Variants in COL22A1 observed in about 807,000 individuals in gnomAD.
COL22A1 encodes collagen alpha-1(XXII) chain.
A neutral mutation model predicts 248.9 loss-of-function variants in COL22A1; 221 were observed. That is an observed-to-expected ratio of 0.89 (90% CI 0.80 to 0.99). The LOEUF is 0.99. Among genes scored for constraint, COL22A1 ranks in the 50% least tolerant of loss-of-function variants. The pLI is 0.00. For synonymous variants in COL22A1, 891 were observed against 793.4 expected (o/e 1.12, Z -2.07); for missense variants, 2,240 against 2,179.0 (o/e 1.03, Z -0.56).
At chr8:138,858,473 T>C (rs1822210825) in intron 3 of COL22A1, among the ~76,000 whole-genome samples, 1 of 152,138 alleles carries the variant, frequency 6.6e-6, no homozygotes, top group Admixed American at 6.5e-5. Flanking sequence ...CTCCAACTCC[T>C]GGGCTCAAGT....
At chr8:138,753,593 C>T (rs532251907) in intron 21 of COL22A1, among the ~76,000 whole-genome samples, 1 of 152,212 alleles carries the variant, frequency 6.6e-6, no homozygotes, top group Non-Finnish European at 1.5e-5. Context: ...TCCAATTCAT[C>T]ATCTAGAAAT....
At chr8:138,794,114 C>T (rs1329000947) in intron 12 of COL22A1, among the ~76,000 whole-genome samples, 4 of 152,260 alleles carry the variant, frequency 2.6e-5, no homozygotes, top group East Asian at 3.9e-4. Context: ...AGGCTGGGCA[C>T]GGTGGCTCAC....
chr8:138,897,534 C>T (rs889940130), intron 1 of COL22A1, among the ~76,000 whole-genome samples: 8 of 144,518 alleles, frequency 5.5e-5, no homozygotes, highest in Admixed American at 2.9e-4. Context: ...AGTGACAGAG[C>T]GAGACTCTGT....
At position 138,723,709 on chromosome 8, in the gene COL22A1, C is replaced by T. The variant is rs115817125; in HGVS notation, c.2247+906G>A. Among the ~76,000 whole-genome samples, 805 of 152,324 alleles carry T rather than the reference C, an allele frequency of 5.3e-3. 8 individuals are homozygous for T. The highest frequency in any genetic ancestry group is 0.018 in the African/African-American group (730 of 41,580). On this transcript the variant is annotated intron_variant, in intron 25 of 64. Coordinates refer to ENST00000303045, the MANE Select transcript of COL22A1 (RefSeq NM_152888.3). ...CCATTCAGCCAGTGTTCCTCCCACA[C>T]GCAATCAGATCACCTGAGTGCCCAG...
chr8:138,902,572 G>C (rs1379054235), intron 1 of COL22A1, among the ~76,000 whole-genome samples: 2 of 151,650 alleles, frequency 1.3e-5, no homozygotes, highest in Non-Finnish European at 2.9e-5. Context: ...CAGGTGTGGT[G>C]GTGGGCGCCT....
chr8:138,697,422 C>T (rs967081274), intron 32 of COL22A1, among the ~76,000 whole-genome samples: 6 of 152,166 alleles, frequency 3.9e-5, no homozygotes, highest in African/African-American at 1.4e-4. Context: ...AGTTACAAAA[C>T]CCTGCTTGAG....
intron 3 of COL22A1, among the ~76,000 whole-genome samples, chr8:138,849,972 T>A (rs1821509387): frequency 6.6e-6 from 1 of 152,216 alleles, no homozygotes; most frequent in Non-Finnish European, 1.5e-5. Flanking sequence ...TCCTCATGGT[T>A]TGCAGGGCAG....
chr8:138,908,983 A>G (rs1815229485), intron 1 of COL22A1, among the ~76,000 whole-genome samples: 1 of 152,182 alleles, frequency 6.6e-6, no homozygotes, highest in South Asian at 2.1e-4. Context: ...AGAACCTGGG[A>G]GAAAGGTAAT....
At chr8:138,877,725 C>A in intron 3 of COL22A1, 25 bp downstream of exon 3, 1 of 1,546,318 alleles carries the variant, frequency 6.5e-7, no homozygotes, top group Non-Finnish European at 8.7e-7. Flanking sequence ...TTGGGAGGGG[C>A]CGCATGGGGC....
chr8:138,761,016 G>A (rs568281207), intron 17 of COL22A1, among the ~76,000 whole-genome samples: 1 of 152,262 alleles, frequency 6.6e-6, no homozygotes, highest in South Asian at 2.1e-4. Flanking sequence ...CTTTGTATAG[G>A]AAAAGATCCT....
chr8:138,888,993 T>A (rs1252780861), intron 1 of COL22A1, among the ~76,000 whole-genome samples: 4 of 152,196 alleles, frequency 2.6e-5, no homozygotes, highest in African/African-American at 7.2e-5. Flanking sequence ...AATATAGGCA[T>A]CATCAAGGAA....
At chr8:138,637,964 T>C (rs552238173) in intron 47 of COL22A1, among the ~76,000 whole-genome samples, 1 of 152,114 alleles carries the variant, frequency 6.6e-6, no homozygotes, top group South Asian at 2.1e-4. Flanking sequence ...ACCGTCATCA[T>C]CCTCATCTTC....
chr8:138,695,359 CCT>C (rs1052549523), intron 32 of COL22A1, among the ~76,000 whole-genome samples: 1 of 152,108 alleles, frequency 6.6e-6, no homozygotes, highest in Admixed American at 6.5e-5. Context: ...TCCCTCCCTT[CCT>C]CTCTCTCTTT....
intron 7 of COL22A1, among the ~76,000 whole-genome samples, chr8:138,813,786 A>G (rs10481409): frequency 0.75 from 112,593 of 150,054 alleles, 42,581 homozygotes; most frequent in Middle Eastern, 0.8. Context: ...CCGCACACAG[A>G]GGCACACCAC....
intron 3 of COL22A1, among the ~76,000 whole-genome samples, chr8:138,854,473 T>C (rs1821867800): frequency 6.6e-6 from 1 of 152,122 alleles, no homozygotes; most frequent in South Asian, 2.1e-4. Context: ...TCCTGGTTAC[T>C]CTCCTGGGAG....
chr8:138,760,356 A>G, intron 17 of COL22A1, 69 bp from the exon 18 acceptor site: 1 of 1,441,170 alleles, frequency 6.9e-7, no homozygotes, highest in Admixed American at 2.1e-5. Context: ...GTTGGGGAGA[A>G]ACAGGTTGAA....
At chr8:138,817,539 G>A (rs911498021) in intron 7 of COL22A1, among the ~76,000 whole-genome samples, 3 of 152,136 alleles carry the variant, frequency 2.0e-5, no homozygotes, top group African/African-American at 7.2e-5. Context: ...ATATAGGTGG[G>A]GAACCAACTA....
At chr8:138,804,066 T>A (rs1817241946) in intron 10 of COL22A1, among the ~76,000 whole-genome samples, 1 of 152,172 alleles carries the variant, frequency 6.6e-6, no homozygotes, top group Non-Finnish European at 1.5e-5. Flanking sequence ...CCTGACTCTC[T>A]TCATACTATC....
At chr8:138,907,482 A>G (rs1815117430) in intron 1 of COL22A1, among the ~76,000 whole-genome samples, 1 of 152,250 alleles carries the variant, frequency 6.6e-6, no homozygotes, top group African/African-American at 2.4e-5. Context: ...AAAACCATCC[A>G]GGAATGGCTG....
Sources: gnomAD v4.1 joint callset for allele counts (sites outside exome capture counted in the v4.1 genomes callset) on GRCh38, gnomAD v4.1.1 for gene constraint, MANE v1.5 for transcripts, NCBI Gene and HGNC (gene_info 2026-07-23, HGNC 2026-07-21) for gene names.